Variants in PTPRG observed in about 807,000 individuals in gnomAD.
PTPRG encodes the protein protein tyrosine phosphatase receptor type G.
PTPRG carries 102 observed loss-of-function variants against 165.3 expected under a neutral mutation model. The observed-to-expected ratio is 0.62, with a 90% confidence interval of 0.53 to 0.73. PTPRG has a LOEUF of 0.73. PTPRG is among the 30% of genes least tolerant of loss of function. The probability of loss-of-function intolerance (pLI) is 0.00; values close to 1 mark genes in which losing one functional copy is unlikely to be tolerated. For missense variants in PTPRG, 1,866 were observed against 1,861.4 expected, an observed-to-expected ratio of 1.00 and a Z score of -0.05; for synonymous variants, 675 against 669.5, an observed-to-expected ratio of 1.01 and a Z score of -0.13.
At chr3:62,191,079 G>A (rs1018584188) in intron 8 of PTPRG, among the ~76,000 whole-genome samples, 1 of 152,090 alleles carries the variant, frequency 6.6e-6, no homozygotes, top group East Asian at 1.9e-4. Context: ...GTGCATCTGT[G>A]TCCCGTGCAT....
intron 2 of PTPRG, among the ~76,000 whole-genome samples, chr3:61,970,433 G>A (rs961054055): frequency 6.6e-6 from 1 of 152,210 alleles, no homozygotes; most frequent in Non-Finnish European, 1.5e-5. Context: ...CAAATTTGGT[G>A]TAAATGTTTG....
intron 1 of PTPRG, among the ~76,000 whole-genome samples, chr3:61,618,293 G>A (rs1210579177): frequency 6.6e-6 from 1 of 152,142 alleles, no homozygotes. Context: ...TTATACTGAA[G>A]TTATATCCAT....
chr3:62,045,655 A>G (rs528440552), intron 4 of PTPRG, among the ~76,000 whole-genome samples: 3 of 149,430 alleles, frequency 2.0e-5, no homozygotes, highest in African/African-American at 7.4e-5. Flanking sequence ...TTTAATATAC[A>G]TAGAATGGTA....
chr3:61,906,250 C>T (rs1394339605), intron 2 of PTPRG, among the ~76,000 whole-genome samples: 2 of 150,436 alleles, frequency 1.3e-5, no homozygotes, highest in Non-Finnish European at 3.0e-5. Context: ...GTCAGGAGTT[C>T]AAGACCAGTC....
At position 61,563,157 on chromosome 3, in the gene PTPRG, CGGG is replaced by C. The variant is rs1699809389; in HGVS notation, c.85+787_85+789del. 3.1e-4 allele frequency among the ~76,000 whole-genome samples: 5 copies of C among 16,228 alleles called. No homozygotes were observed. The East Asian group carries it at 0.048, about 156-fold the overall frequency. 10.6% of individuals were successfully genotyped at this position (16,228 alleles called of 152,430 possible). A position where few individuals can be genotyped will look rare whatever the true frequency, so the allele number is the denominator to read the frequency against. ...AGGGGGCGGGGGCGGTTTCGGCGGC[CGGG>C]GCGGTTTCGGCGGCCGGGTTGCTGT... On this transcript the variant is annotated intron_variant, in intron 1 of 29. Transcript: ENST00000474889.
intron 2 of PTPRG, among the ~76,000 whole-genome samples, chr3:61,771,857 C>T (rs866720255): frequency 6.6e-6 from 1 of 151,704 alleles, no homozygotes; most frequent in Non-Finnish European, 1.5e-5. Context: ...GTCAGGATTT[C>T]GAGACCAGCC....
At chr3:62,268,187 C>T (rs936026684) in intron 19 of PTPRG, among the ~76,000 whole-genome samples, 1 of 151,948 alleles carries the variant, frequency 6.6e-6, no homozygotes, top group African/African-American at 2.4e-5. Context: ...GGACAGACAA[C>T]AGTAAACAGG....
intron 29 of PTPRG, chr3:62,292,777 A>G: frequency 1.9e-6 from 1 of 540,432 alleles, no homozygotes; most frequent in Non-Finnish European, 3.2e-6. Context: ...ACAGCCCTCA[A>G]CACCATAGAA....
At chr3:61,706,043 C>G (rs1197334822) in intron 1 of PTPRG, among the ~76,000 whole-genome samples, 1 of 152,186 alleles carries the variant, frequency 6.6e-6, no homozygotes, top group East Asian at 1.9e-4. Flanking sequence ...GTGTCCTCCC[C>G]ACTTCGGGTC....
intron 26 of PTPRG, among the ~76,000 whole-genome samples, chr3:62,278,984 A>G (rs1018276259): frequency 3.3e-5 from 5 of 152,070 alleles, no homozygotes; most frequent in Admixed American, 2.0e-4. Context: ...ATAAGTGGAT[A>G]CATGTTCTGC....
At chr3:61,852,974 C>T (rs116828912) in intron 2 of PTPRG, among the ~76,000 whole-genome samples, 1,630 of 152,212 alleles carry the variant, frequency 0.011, 32 homozygotes, top group African/African-American at 0.037. Flanking sequence ...CATCCATGTC[C>T]CTTCCTCTTT....
At chr3:62,146,619 G>A (rs1463365348) in intron 6 of PTPRG, among the ~76,000 whole-genome samples, 1 of 144,702 alleles carries the variant, frequency 6.9e-6, no homozygotes, top group Non-Finnish European at 1.5e-5. Context: ...CATATGTATT[G>A]CCTGTTGCTT....
intron 2 of PTPRG, among the ~76,000 whole-genome samples, chr3:61,957,965 T>G (rs1269926224): frequency 1.3e-5 from 2 of 152,202 alleles, no homozygotes; most frequent in Non-Finnish European, 2.9e-5. Context: ...GTTACCTGGC[T>G]TGGAGCATTT....
chr3:62,065,665 A>C (rs1001401496), intron 4 of PTPRG, among the ~76,000 whole-genome samples: 2 of 152,208 alleles, frequency 1.3e-5, no homozygotes, highest in Non-Finnish European at 2.9e-5. Flanking sequence ...CATTCATTCC[A>C]TAGTCATTTA....
intron 8 of PTPRG, among the ~76,000 whole-genome samples, chr3:62,182,755 G>T: frequency 6.6e-6 from 1 of 152,336 alleles, no homozygotes; most frequent in South Asian, 2.1e-4. Context: ...CGTCTTCCAG[G>T]TTCAAGCAAT....
At chr3:61,730,889 T>A (rs979210262) in intron 1 of PTPRG, among the ~76,000 whole-genome samples, 1 of 152,260 alleles carries the variant, frequency 6.6e-6, no homozygotes, top group African/African-American at 2.4e-5. Context: ...GATTGGGAAC[T>A]GGATTTCTAG....
intron 2 of PTPRG, among the ~76,000 whole-genome samples, chr3:61,828,846 G>A (rs1173392576): frequency 6.6e-6 from 1 of 152,178 alleles, no homozygotes; most frequent in Admixed American, 6.5e-5. Context: ...GTCCCTGAGG[G>A]ATCTGTTTAT....
At chr3:61,627,381 G>T (rs558723985) in intron 1 of PTPRG, among the ~76,000 whole-genome samples, 1 of 152,180 alleles carries the variant, frequency 6.6e-6, no homozygotes, top group Non-Finnish European at 1.5e-5. Flanking sequence ...GGTTATGTGG[G>T]GACTCTTCTA....
chr3:61,562,187 C>T lies in PTPRG; in HGVS notation c.-101C>T. 6 of 1,100,654 alleles carry T rather than the reference C, an allele frequency of 5.5e-6. No homozygotes were observed. The highest frequency in any genetic ancestry group is 1.3e-5 in the South Asian group (1 of 75,828). The allele number at this position is 1,100,654 out of a possible 1,614,324, so 68.2% of individuals were successfully genotyped here. On this transcript the variant is annotated 5_prime_UTR_variant, in exon 1 of 30. Coordinates refer to ENST00000474889, the MANE Select transcript of PTPRG (RefSeq NM_002841.4). ...GCGGGGGGCCCGTGGAGCGGGCGAG[C>T]CGGGGAAGCGCCCCGGCTTAGCGGA...
Sources: gnomAD v4.1 joint callset for allele counts (sites outside exome capture counted in the v4.1 genomes callset) on GRCh38, gnomAD v4.1.1 for gene constraint, MANE v1.5 for transcripts, NCBI Gene and HGNC (gene_info 2026-07-23, HGNC 2026-07-21) for gene names.